Variants in MED12L observed in about 807,000 individuals in gnomAD.
MED12L encodes mediator of RNA polymerase II transcription subunit 12-like protein.
MED12L carries 60 observed loss-of-function variants against 281.3 expected under a neutral mutation model. The ratio of observed to expected loss-of-function variants is 0.21; its 90% CI spans 0.17 to 0.26. MED12L has a LOEUF of 0.26. MED12L is among the 10% of genes least tolerant of loss of function. MED12L has a pLI of 1.00. For missense variants in MED12L, 2,146 were observed against 2,680.9 expected, an observed-to-expected ratio of 0.80 and a Z score of 4.41; for synonymous variants, 974 against 987.2, an observed-to-expected ratio of 0.99 and a Z score of 0.25.
chr3:151,239,170 T>G (rs1401092525), intron 16 of MED12L, among the ~76,000 whole-genome samples: 1 of 152,256 alleles, frequency 6.6e-6, no homozygotes, highest in African/African-American at 2.4e-5. Context: ...TCTGCATGAA[T>G]GTATTTTATC....
intron 16 of MED12L, among the ~76,000 whole-genome samples, chr3:151,346,811 T>C (rs1382041418): frequency 1.3e-5 from 2 of 152,142 alleles, no homozygotes; most frequent in Non-Finnish European, 2.9e-5. Context: ...ACCTCTGTGT[T>C]AGGGCCCATA....
In MED12L at chr3:151,192,892, C is replaced by T. The variant is rs574944368; in HGVS notation, c.2073+238C>T. Reference sequence around the variant, plus strand: ...CTCCTGGTTGGCTAACTTTTTTGTTCATTTTGAGCTCATCATCATCTCATT... The same window carrying T: ...CTCCTGGTTGGCTAACTTTTTTGTTTATTTTGAGCTCATCATCATCTCATT... On this transcript the variant is annotated intron_variant, in intron 15 of 44. Transcript: ENST00000687756. 3.2e-4 allele frequency among the ~76,000 whole-genome samples: 48 copies of T among 152,186 alleles called. 1 individual carries two copies. The highest frequency in any genetic ancestry group is 6.8e-3 in the Middle Eastern group (2 of 294).
chr3:151,231,708 C>A (rs759232657), intron 16 of MED12L, among the ~76,000 whole-genome samples: 2 of 152,048 alleles, frequency 1.3e-5, no homozygotes, highest in Non-Finnish European at 2.9e-5. Flanking sequence ...GAGGGAATAG[C>A]CATACAAATT....
At chr3:151,275,900 T>C (rs774693086) in intron 16 of MED12L, among the ~76,000 whole-genome samples, 3 of 152,148 alleles carry the variant, frequency 2.0e-5, no homozygotes, top group South Asian at 4.1e-4. Context: ...CTTTTAGTAT[T>C]GCGGGGTGAT....
chr3:151,168,197 C>T (rs901721476), intron 11 of MED12L, among the ~76,000 whole-genome samples: 11 of 152,080 alleles, frequency 7.2e-5, no homozygotes, highest in African/African-American at 1.7e-4. Flanking sequence ...CAGATATCTC[C>T]GGAGTGGGTG....
At chr3:151,299,275 C>G (rs1038223497) in intron 16 of MED12L, among the ~76,000 whole-genome samples, 1 of 152,112 alleles carries the variant, frequency 6.6e-6, no homozygotes, top group Non-Finnish European at 1.5e-5. Context: ...AAAAGTCATT[C>G]AAATTATAGG....
At chr3:151,402,453 G>A (rs1041624225) in intron 39 of MED12L, among the ~76,000 whole-genome samples, 1 of 152,138 alleles carries the variant, frequency 6.6e-6, no homozygotes, top group Admixed American at 6.5e-5. Context: ...TTCTTACTTG[G>A]ATTTACTGGG....
chr3:151,206,900 T>G (rs900497580), intron 16 of MED12L, among the ~76,000 whole-genome samples: 2 of 152,040 alleles, frequency 1.3e-5, no homozygotes, highest in African/African-American at 4.8e-5. Flanking sequence ...TGCCTCGGCC[T>G]CCCACAGTGC....
intron 16 of MED12L, among the ~76,000 whole-genome samples, chr3:151,246,366 A>G (rs1308081608): frequency 6.6e-6 from 1 of 152,086 alleles, no homozygotes; most frequent in Admixed American, 6.6e-5. Flanking sequence ...CCTGACTTCA[A>G]ACTATACTAC....
intron 11 of MED12L, among the ~76,000 whole-genome samples, chr3:151,166,702 G>A (rs1196996601): frequency 6.6e-6 from 1 of 150,990 alleles, no homozygotes; most frequent in East Asian, 1.9e-4. Flanking sequence ...TAAAGACAGA[G>A]TCTCACACTG....
At chr3:151,421,932 T>C (rs1285221435) in intron 43 of MED12L, among the ~76,000 whole-genome samples, 1 of 152,216 alleles carries the variant, frequency 6.6e-6, no homozygotes, top group Non-Finnish European at 1.5e-5. Flanking sequence ...TCTTCCTGTT[T>C]TGGGGTTCTG....
At chr3:151,230,503 C>T (rs1288815195) in intron 16 of MED12L, among the ~76,000 whole-genome samples, 1 of 151,842 alleles carries the variant, frequency 6.6e-6, no homozygotes, top group Non-Finnish European at 1.5e-5. Context: ...CTATACACTA[C>T]ACTTTGATGC....
intron 16 of MED12L, among the ~76,000 whole-genome samples, chr3:151,256,645 G>T (rs1319069867): frequency 2.0e-5 from 3 of 152,138 alleles, no homozygotes; most frequent in African/African-American, 2.4e-5. Flanking sequence ...AAAGACAAAA[G>T]CTTATTACAC....
intron 16 of MED12L, among the ~76,000 whole-genome samples, chr3:151,251,298 T>A (rs529246190): frequency 6.6e-6 from 1 of 152,282 alleles, no homozygotes; most frequent in South Asian, 2.1e-4. Context: ...TTTGTGATAA[T>A]ACCATCTACC....
At chr3:151,276,575 G>C (rs1374496627) in intron 16 of MED12L, among the ~76,000 whole-genome samples, 1 of 152,162 alleles carries the variant, frequency 6.6e-6, no homozygotes, top group Non-Finnish European at 1.5e-5. Flanking sequence ...GGATATCCTG[G>C]GGCCAAATGG....
chr3:151,165,053 C>T (rs551718411), intron 9 of MED12L, among the ~76,000 whole-genome samples: 17 of 151,906 alleles, frequency 1.1e-4, no homozygotes, highest in Middle Eastern at 3.4e-3. Flanking sequence ...AATAAGATCC[C>T]TGTCTTTTCC....
chr3:151,308,812 G>T (rs997300935), intron 16 of MED12L, among the ~76,000 whole-genome samples: 2 of 152,162 alleles, frequency 1.3e-5, no homozygotes, highest in Admixed American at 6.5e-5. Flanking sequence ...CATTAGAACT[G>T]TTGTCAGGTT....
chr3:151,147,116 A>C (rs1717856563), intron 5 of MED12L, among the ~76,000 whole-genome samples: 1 of 152,230 alleles, frequency 6.6e-6, no homozygotes, highest in Non-Finnish European at 1.5e-5. Context: ...CAAATATAGA[A>C]GTATATAATA....
chr3:151,113,600 A>G (rs910875445), intron 2 of MED12L, among the ~76,000 whole-genome samples: 1 of 152,242 alleles, frequency 6.6e-6, no homozygotes, highest in Non-Finnish European at 1.5e-5. Flanking sequence ...CAGTGGTGGT[A>G]ATGAGAAGTG....
Sources: gnomAD v4.1 joint callset for allele counts (sites outside exome capture counted in the v4.1 genomes callset) on GRCh38, gnomAD v4.1.1 for gene constraint, MANE v1.5 for transcripts, NCBI Gene and HGNC (gene_info 2026-07-23, HGNC 2026-07-21) for gene names.